The following MPPE1 variants were observed in gnomAD, a reference collection of about 807,000 sequenced individuals.
MPPE1 encodes metallophosphoesterase 1.
A neutral mutation model predicts 43.8 loss-of-function variants in MPPE1; 28 were observed. The observed-to-expected ratio is 0.64, with a 90% confidence interval of 0.47 to 0.88. The LOEUF (loss-of-function observed/expected upper bound fraction) is 0.88, where lower values mean the gene tolerates loss of function less well. MPPE1 is among the 40% of genes least tolerant of loss of function. The pLI, the probability that MPPE1 is intolerant of heterozygous loss-of-function variation, is 0.00. For synonymous variants in MPPE1, 159 were observed against 188.5 expected (o/e 0.84, Z 1.28); for missense variants, 428 against 492.2 (o/e 0.87, Z 1.23).
chr18:11,894,221 G>A (rs1193967625), intron 3 of MPPE1, among the ~76,000 whole-genome samples: 2 of 152,008 alleles, frequency 1.3e-5, no homozygotes, highest in Non-Finnish European at 2.9e-5. Context: ...AAAGTTAGGA[G>A]TTCAAGAGCA....
chr18:11,901,134 G>C (rs943915589), intron 2 of MPPE1, among the ~76,000 whole-genome samples: 1 of 152,076 alleles, frequency 6.6e-6, no homozygotes, highest in African/African-American at 2.4e-5. Flanking sequence ...TGAAAGGGTA[G>C]GCAATGGTGA....
intron 10 of MPPE1, chr18:11,885,216 G>A (rs1010831658): frequency 1.1e-5 from 4 of 366,518 alleles, no homozygotes; most frequent in African/African-American, 2.2e-5. Flanking sequence ...GCTGGATGCA[G>A]GAGCCCATGG....
Position 11,886,046 on chromosome 18 carries a change from C to T in MPPE1, c.868-230G>A, listed in dbSNP as rs564140591. On this transcript the variant is annotated intron_variant, in intron 9 of 10. Coordinates refer to ENST00000588072, the MANE Select transcript of MPPE1 (RefSeq NM_023075.6). The surrounding 1 kb of genome is among the most constrained non-coding windows in gnomAD (Gnocchi z 4.1). ...CATCCCAGATTTTATATACTTTTTA[C>T]GGTATTTTATCTTTATAAATATTTT... 9.2e-5 allele frequency: 29 copies of T among 314,768 alleles called. No individual in the cohort carries two copies. Among genetic ancestry groups the T allele is most frequent in the African/African-American group, 4.7e-4 (22 of 46,478 alleles). The allele number at this position is 314,768 out of a possible 1,614,324, so 19.5% of individuals were successfully genotyped here.
chr18:11,905,173 A>G (rs1010579601), intron 2 of MPPE1: 5 of 151,998 alleles, frequency 3.3e-5, no homozygotes, highest in African/African-American at 1.2e-4. Context: ...CTAGTGTAGT[A>G]GTGCACACCT....
chr18:11,885,347 A>T, intron 10 of MPPE1: 1 of 311,464 alleles, frequency 3.2e-6, no homozygotes, highest in Non-Finnish European at 6.1e-6. Flanking sequence ...AAGATGGCTG[A>T]GTATAGCTAA....
chr18:11,884,663 C>G, intron 10 of MPPE1, 36 bp from the exon 11 acceptor site: 1 of 1,599,300 alleles, frequency 6.3e-7, no homozygotes, highest in African/African-American at 1.3e-5. Flanking sequence ...CTGAGAGCAC[C>G]AGGCACACGT....
At chr18:11,885,388 AACAC>A (rs1159557781) in intron 10 of MPPE1, 2 of 390,378 alleles carry the variant, frequency 5.1e-6, no homozygotes, top group Non-Finnish European at 9.3e-6. Flanking sequence ...TAGAAAATTA[AACAC>A]ACACAGAGTG....
intron 2 of MPPE1, among the ~76,000 whole-genome samples, chr18:11,899,400 C>T (rs2038915459): frequency 6.6e-6 from 1 of 152,212 alleles, no homozygotes; most frequent in Non-Finnish European, 1.5e-5. Context: ...TGCCTTAAAA[C>T]TCTGGATGGC....
intron 2 of MPPE1, among the ~76,000 whole-genome samples, chr18:11,903,813 C>CA (rs1258164157): frequency 7.0e-6 from 1 of 141,856 alleles, no homozygotes; most frequent in Non-Finnish European, 1.5e-5. Flanking sequence ...CTCAAAAAAA[C>CA]AAAAAAACAA....
chr18:11,901,152 G>A (rs559594883), intron 2 of MPPE1, among the ~76,000 whole-genome samples: 8 of 152,110 alleles, frequency 5.3e-5, no homozygotes, highest in East Asian at 3.9e-4. Context: ...TGAAATGGAC[G>A]GCCCTTCCAT....
chr18:11,884,208 A>C lies in MPPE1; in HGVS notation c.*237T>G. ...CTGTACAGATGCAACCTTTGATGAT[A>C]CATATATTTGATAAAAATGAGAAAA... On this transcript the variant is annotated 3_prime_UTR_variant, in exon 11 of 11. Coordinates refer to ENST00000588072, the MANE Select transcript of MPPE1 (RefSeq NM_023075.6). 1 of 499,764 alleles carries C rather than the reference A, an allele frequency of 2.0e-6. No homozygotes were observed. The highest frequency in any genetic ancestry group is 3.6e-6 in the Non-Finnish European group (1 of 275,928). The allele number at this position is 499,764 out of a possible 1,614,324, so 31.0% of individuals were successfully genotyped here.
At position 11,889,441 on chromosome 18, in the gene MPPE1, C is replaced by G. The variant is rs1301612153; in HGVS notation, c.440G>C (p.Ser147Thr). 8.7e-6 allele frequency: 14 copies of G among 1,613,370 alleles called. No individual in the cohort carries two copies. Among genetic ancestry groups the G allele is most frequent in the Non-Finnish European group, 1.1e-5 (13 of 1,179,762 alleles). Reference sequence around the variant, plus strand: ...AGCAACTACCTTCAGCTGTACATGACTTGGGTGTCTGAACATTTTCTGAAA... The same window carrying G: ...AGCAACTACCTTCAGCTGTACATGAGTTGGGTGTCTGAACATTTTCTGAAA... ...ERFQKMFRHP[S>T]HVQLKVVAGN... Residue 147 changes from serine (S) to threonine (T), a missense_variant, in exon 5 of 11, where the codon AGT (serine) becomes ACT (threonine). Physicochemically the swap from Ser to Thr is moderately conservative, Grantham distance 58. Coordinates refer to ENST00000588072, the MANE Select transcript of MPPE1 (RefSeq NM_023075.6).
chr18:11,908,269 C>CT lies in MPPE1; in HGVS notation c.-269dup, dbSNP rs1298983470. ...GGGAGCACCGGGCGGTGCGGGAGCC[C>CT]TTTCACCAGGGCAGGGTGGCTTCGG... On this transcript the variant is annotated 5_prime_UTR_variant, in exon 1 of 11. Coordinates refer to ENST00000588072, the MANE Select transcript of MPPE1 (RefSeq NM_023075.6). 6.6e-6 allele frequency: 1 copy of CT among 152,284 alleles called. No homozygotes were observed. Among genetic ancestry groups the CT allele is most frequent in the Non-Finnish European group, 1.5e-5 (1 of 68,066 alleles). The allele number at this position is 152,284 out of a possible 1,614,324, so 9.4% of individuals were successfully genotyped here.
At chr18:11,889,534 T>G in intron 4 of MPPE1, 44 bp from the exon 5 acceptor site, 2 of 1,428,834 alleles carry the variant, frequency 1.4e-6, no homozygotes, top group South Asian at 1.2e-5. Context: ...GAACCATCTC[T>G]GCCCTGTGGC....
In MPPE1 at chr18:11,900,358, T is replaced by C. The variant is rs148358617; in HGVS notation, c.-92-3002A>G. On this transcript the variant is annotated intron_variant, in intron 2 of 10. Transcript: ENST00000588072. ...AAAGACTCCGTCTCAAAAAAAAAAT[T>C]AGCTGGGCGTGGTGGTGGGCGTCTG... Among the ~76,000 whole-genome samples the C allele has an allele frequency of 1.6e-3, 235 of 151,160 alleles. 1 individual carries two copies. The highest frequency in any genetic ancestry group is 2.5e-3 in the Non-Finnish European group (166 of 67,694).
chr18:11,896,750 C>A (rs1484420054), intron 3 of MPPE1, among the ~76,000 whole-genome samples: 1 of 152,202 alleles, frequency 6.6e-6, no homozygotes, highest in Non-Finnish European at 1.5e-5. Flanking sequence ...GGGGCCCTAA[C>A]AACTTGTCCA....
At position 11,885,802 on chromosome 18, in the gene MPPE1, G is replaced by GA; in HGVS notation, c.881dup (p.Gln295ProfsTer44). ...GGCCACTGAGAACCAGGCGCGGCTG[G>GA]AGCCACCACAGCAGCTGACAGTGGC... On this transcript the variant is annotated frameshift_variant, in exon 10 of 11. Transcript: ENST00000588072. LOFTEE classifies it high-confidence loss of function. The GA allele has an allele frequency of 6.2e-7, 1 of 1,609,560 alleles. No individual in the cohort carries two copies. The highest frequency in any genetic ancestry group is 1.1e-5 in the South Asian group (1 of 90,922).
At chr18:11,894,431 CAAAAAAAAA>C (rs66687820) in intron 3 of MPPE1, among the ~76,000 whole-genome samples, 72 of 65,162 alleles carry the variant, frequency 1.1e-3, no homozygotes, top group Non-Finnish European at 1.8e-3. Context: ...GACTCCATCT[CAAAAAAAAA>C]AAAAAAAAAA....
chr18:11,884,957 C>T (rs895000581), intron 10 of MPPE1: 202 of 1,290,476 alleles, frequency 1.6e-4, no homozygotes, highest in Non-Finnish European at 2.0e-4. Context: ...AGAGAGGCAC[C>T]GTGGAGTTCC....
Sources: allele counts gnomAD v4.1 joint callset (sites outside exome capture counted in the v4.1 genomes callset), GRCh38; gene constraint gnomAD v4.1.1; non-coding constraint Gnocchi (gnomAD v3.1); transcripts MANE v1.5; gene names NCBI Gene and HGNC (gene_info 2026-07-23, HGNC 2026-07-21).